ARHGAP44: variants seen among roughly 807,000 people sequenced by gnomAD.
The protein encoded by ARHGAP44 is Rho GTPase activating protein 44.
ARHGAP44 carries 43 observed loss-of-function variants against 106.8 expected under a neutral mutation model. The ratio of observed to expected loss-of-function variants is 0.40; its 90% confidence interval spans 0.32 to 0.52. ARHGAP44 has a LOEUF of 0.52. ARHGAP44 is among the 20% of genes least tolerant of loss of function. ARHGAP44 has a pLI of 0.48. For missense variants in ARHGAP44, 866 were observed against 1,050.5 expected (o/e 0.82, Z 2.43); for synonymous variants, 439 against 410.3 (o/e 1.07, Z -0.85).
chr17:12,978,467 A>G (rs1360519499), intron 18 of ARHGAP44, among the ~76,000 whole-genome samples: 1 of 152,228 alleles, frequency 6.6e-6, no homozygotes, highest in Non-Finnish European at 1.5e-5. Flanking sequence ...GTGCCTCCAC[A>G]TTGAATGTGA....
chr17:12,800,585 C>G (rs1279357747), intron 1 of ARHGAP44, among the ~76,000 whole-genome samples: 2 of 152,184 alleles, frequency 1.3e-5, no homozygotes, highest in African/African-American at 4.8e-5. Flanking sequence ...CTTCTACTCT[C>G]AAAGTAGAAG....
At chr17:12,912,065 A>G (rs1399832608) in intron 4 of ARHGAP44, among the ~76,000 whole-genome samples, 1 of 152,238 alleles carries the variant, frequency 6.6e-6, no homozygotes, top group Non-Finnish European at 1.5e-5. Context: ...ACATCTGAGG[A>G]AAGTCTCTAA....
chr17:12,797,213 G>C (rs2033951110), intron 1 of ARHGAP44, among the ~76,000 whole-genome samples: 1 of 152,064 alleles, frequency 6.6e-6, no homozygotes, highest in South Asian at 2.1e-4. Context: ...ACTTTGCCCA[G>C]ATGCAGATTA....
chr17:12,927,655 C>A (rs1439735646), intron 6 of ARHGAP44, among the ~76,000 whole-genome samples: 1 of 152,112 alleles, frequency 6.6e-6, no homozygotes, highest in African/African-American at 2.4e-5. Flanking sequence ...AACCCATGAC[C>A]CAGCTTCCTG....
rs2040110569 is a variant in ARHGAP44 at position 12,990,724 on chromosome 17, G to GA, written c.*557dup. On this transcript the variant is annotated 3_prime_UTR_variant, in exon 21 of 21. Coordinates refer to ENST00000379672, the MANE Select transcript of ARHGAP44 (RefSeq NM_014859.6). ...CTACCTGGGGGAGGGCTTGCCACTG[G>GA]AAAACCTTTCAGGCCGCCCCCATCA... 6.6e-6 allele frequency: 1 copy of GA among 152,442 alleles called. No homozygotes were observed. Among genetic ancestry groups the GA allele is most frequent in the African/African-American group, 2.4e-5 (1 of 41,458 alleles). The allele number at this position is 152,442 out of a possible 1,614,324, so 9.4% of individuals were successfully genotyped here. A position where few individuals can be genotyped will look rare whatever the true frequency, so the allele number is the denominator to read the frequency against.
rs567680901 is a variant in ARHGAP44, at chr17:12,901,808, A to C, written c.198+5297A>C. Among the ~76,000 whole-genome samples, 527 of 152,230 alleles carry C rather than the reference A, an allele frequency of 3.5e-3. 4 individuals are homozygous for C. Among genetic ancestry groups the C allele is most frequent in the African/African-American group, 0.011 (438 of 41,548 alleles). On this transcript the variant is annotated intron_variant, in intron 3 of 20. Transcript: ENST00000379672. Reference sequence around the variant, plus strand: ...CAGTAGAGAATGGTACTGTAAATCCACGCACTTGCTCCTCTAAATCCCAGA... The same window carrying C: ...CAGTAGAGAATGGTACTGTAAATCCCCGCACTTGCTCCTCTAAATCCCAGA...
chr17:12,915,343 A>G (rs761489050), intron 4 of ARHGAP44, among the ~76,000 whole-genome samples: 3 of 152,234 alleles, frequency 2.0e-5, no homozygotes, highest in African/African-American at 7.2e-5. Context: ...AGAATTTAAC[A>G]TCTTTGAAAT....
chr17:12,929,689 C>T (rs781478003), intron 7 of ARHGAP44, among the ~76,000 whole-genome samples: 6 of 152,210 alleles, frequency 3.9e-5, no homozygotes, highest in Non-Finnish European at 5.9e-5. Context: ...AGACCATTCA[C>T]GATGCTCTGT....
At chr17:12,947,583 C>T (rs944733159) in intron 10 of ARHGAP44, among the ~76,000 whole-genome samples, 2 of 152,158 alleles carry the variant, frequency 1.3e-5, no homozygotes, top group Non-Finnish European at 1.5e-5. Context: ...CTAACACCCC[C>T]GAAACAGGAC....
At chr17:12,833,621 G>A (rs546854726) in intron 1 of ARHGAP44, among the ~76,000 whole-genome samples, 1 of 152,250 alleles carries the variant, frequency 6.6e-6, no homozygotes, top group Non-Finnish European at 1.5e-5. Context: ...TATTCTGAGT[G>A]AAATATGAGT....
intron 16 of ARHGAP44, among the ~76,000 whole-genome samples, chr17:12,972,720 G>A (rs1304250412): frequency 1.3e-5 from 2 of 150,102 alleles, no homozygotes; most frequent in Non-Finnish European, 3.0e-5. Flanking sequence ...GGAGTGCACC[G>A]TCGCAGTCTC....
chr17:12,981,618 G>A (rs187704591), intron 19 of ARHGAP44, among the ~76,000 whole-genome samples: 1,526 of 151,886 alleles, frequency 0.01, 28 homozygotes, highest in African/African-American at 0.034. Context: ...GACTGGTCTC[G>A]AACTCCTGAC....
chr17:12,868,319 C>T (rs971356001), intron 1 of ARHGAP44, among the ~76,000 whole-genome samples: 15 of 151,962 alleles, frequency 9.9e-5, no homozygotes, highest in African/African-American at 1.9e-4. Flanking sequence ...TGCATTTTAC[C>T]GGAATCCTCT....
chr17:12,837,605 T>A (rs1428879388), intron 1 of ARHGAP44, among the ~76,000 whole-genome samples: 3 of 147,904 alleles, frequency 2.0e-5, no homozygotes, highest in Non-Finnish European at 4.5e-5. Context: ...TGCATGTTGT[T>A]TTTTTTTTTT....
At chr17:12,905,696 C>G (rs1567679134) in intron 3 of ARHGAP44, among the ~76,000 whole-genome samples, 2 of 152,196 alleles carry the variant, frequency 1.3e-5, no homozygotes, top group South Asian at 4.1e-4. Flanking sequence ...CTTGGACTAT[C>G]AGAAGTCCCC....
Position 12,991,143 on chromosome 17 carries a change from C to T in ARHGAP44, c.*972C>T, listed in dbSNP as rs1011532991. 2 of 152,642 alleles carry T rather than the reference C, an allele frequency of 1.3e-5. No individual in the cohort carries two copies. Among genetic ancestry groups the T allele is most frequent in the Non-Finnish European group, 2.9e-5 (2 of 68,052 alleles). 9.5% of individuals were successfully genotyped at this position (152,642 alleles called of 1,614,324 possible). A position where few individuals can be genotyped will look rare whatever the true frequency, so the allele number is the denominator to read the frequency against. The stretch of plus-strand genomic sequence containing the variant: ...TGTGGCCTGCTTTGCTCACCAGCGT[C>T]AGCCGCTCATTTCCTTCTCATGAAG... On this transcript the variant is annotated 3_prime_UTR_variant, in exon 21 of 21. Transcript: ENST00000379672.
intron 8 of ARHGAP44, among the ~76,000 whole-genome samples, chr17:12,942,815 A>T (rs2038744611): frequency 6.6e-6 from 1 of 152,168 alleles, no homozygotes; most frequent in African/African-American, 2.4e-5. Context: ...ATCTGCTCTT[A>T]TCAACATGTT....
At chr17:12,812,406 C>T (rs1234652335) in intron 1 of ARHGAP44, among the ~76,000 whole-genome samples, 3 of 152,038 alleles carry the variant, frequency 2.0e-5, no homozygotes, top group African/African-American at 7.3e-5. Flanking sequence ...TTTAAGCTAG[C>T]AAAGTACACT....
In ARHGAP44 at chr17:12,991,080, C is replaced by A. The variant is rs1438713971; in HGVS notation, c.*909C>A. ...AAAGCATGTGGAGGAAAAGTGAAAC[C>A]AGCCACGGAGACGCTGGCCCACGGG... is the stretch of plus-strand genomic sequence containing the variant. On this transcript the variant is annotated 3_prime_UTR_variant, in exon 21 of 21. Transcript: ENST00000379672. 1 of 152,636 alleles carries A rather than the reference C, an allele frequency of 6.6e-6. No individual in the cohort carries two copies. The highest frequency in any genetic ancestry group is 2.4e-5 in the African/African-American group (1 of 41,440). The allele number at this position is 152,636 out of a possible 1,614,324, so 9.5% of individuals were successfully genotyped here.
Sources: allele counts gnomAD v4.1 joint callset (sites outside exome capture counted in the v4.1 genomes callset), GRCh38; gene constraint gnomAD v4.1.1; transcripts MANE v1.5; gene names NCBI Gene and HGNC (gene_info 2026-07-23, HGNC 2026-07-21).